Variants in TRIM23 observed in about 807,000 individuals in gnomAD.
TRIM23 encodes E3 ubiquitin-protein ligase TRIM23.
Under a neutral mutation model 71.0 loss-of-function variants are expected in TRIM23, and 27 were observed. The ratio of observed to expected loss-of-function variants is 0.38; its 90% confidence interval spans 0.28 to 0.52. TRIM23 has a LOEUF of 0.52. TRIM23 is among the 20% of genes least tolerant of loss of function. The pLI is 0.84. For missense variants in TRIM23, 482 were observed against 692.3 expected, an observed-to-expected ratio of 0.70 and a Z score of 3.41; for synonymous variants, 234 against 238.0, an observed-to-expected ratio of 0.98 and a Z score of 0.16.
intron 7 of TRIM23, among the ~76,000 whole-genome samples, chr5:65,599,129 A>C (rs997837949): frequency 6.6e-6 from 1 of 152,202 alleles, no homozygotes; most frequent in Non-Finnish European, 1.5e-5. Flanking sequence ...GTAAAATTAT[A>C]TCTCTTCACA....
chr5:65,624,136 T>C (rs1439080599), intron 1 of TRIM23, 58 bp downstream of exon 1: 11 of 1,608,390 alleles, frequency 6.8e-6, no homozygotes, highest in Non-Finnish European at 9.4e-6. Flanking sequence ...CCGCCAGGTC[T>C]CCAGGATGAA....
rs1441158989 is a variant in TRIM23, at chr5:65,589,954, A to T, written c.*1815T>A. 5.4e-6 allele frequency: 1 copy of T among 186,338 alleles called. No homozygotes were observed. Among genetic ancestry groups the T allele is most frequent in the South Asian group, 1.8e-4 (1 of 5,638 alleles). The allele number at this position is 186,338 out of a possible 1,614,324, so 11.5% of individuals were successfully genotyped here. On this transcript the variant is annotated 3_prime_UTR_variant, in exon 11 of 11. Transcript: ENST00000231524. ...AACTAATGATTAGTGAAATAATACA[A>T]CCACAAATAGTAATAGGAGCTTGAG...
At chr5:65,594,226 C>A (rs1177109149) in intron 10 of TRIM23, among the ~76,000 whole-genome samples, 1 of 152,214 alleles carries the variant, frequency 6.6e-6, no homozygotes, top group Non-Finnish European at 1.5e-5. Context: ...TTTAGAACTA[C>A]TTTCCTAATT....
At chr5:65,611,081 G>A in intron 4 of TRIM23, 38 bp from the exon 5 acceptor site, 4 of 1,515,438 alleles carry the variant, frequency 2.6e-6, no homozygotes, top group Non-Finnish European at 3.5e-6. Context: ...AGAACTCATA[G>A]TATTGACTAA....
Position 65,624,288 on chromosome 5 carries a change from G to T in TRIM23, c.-14C>A. 17 of 1,613,620 alleles carry T rather than the reference G, an allele frequency of 1.1e-5. No homozygotes were observed. The highest frequency in any genetic ancestry group is 1.3e-5 in the African/African-American group (1 of 75,048). ...CAGGGTAGCCATCCTCGCAGGGGAA[G>T]CGCCACAGAAACAGCCTTCAGAGTC... is the stretch of plus-strand genomic sequence containing the variant. On this transcript the variant is annotated 5_prime_UTR_variant, in exon 1 of 11. Coordinates refer to ENST00000231524, the MANE Select transcript of TRIM23 (RefSeq NM_001656.4).
intron 1 of TRIM23, 37 bp from the exon 2 acceptor site, chr5:65,618,292 A>G (rs1754825905): frequency 1.9e-6 from 3 of 1,565,782 alleles, no homozygotes; most frequent in East Asian, 4.6e-5. Context: ...TCTTTAAACA[A>G]TTTTAAAAGC....
intron 7 of TRIM23, among the ~76,000 whole-genome samples, chr5:65,599,014 C>T (rs1286086905): frequency 3.3e-5 from 5 of 152,214 alleles, no homozygotes; most frequent in African/African-American, 1.2e-4. Context: ...TAACATCATA[C>T]TCAAAAAACT....
chr5:65,610,903 T>C lies in TRIM23; in HGVS notation c.786A>G (p.Glu262=), dbSNP rs769270676. ...VGIVQHIEGG[E]QIVEDGIGMA... Reference sequence around the variant, plus strand: ...TTCCAATTCCATCTTCCACGATTTGTTCTCCTCCTTCAATGTGCTGCACAA... The same window carrying C: ...TTCCAATTCCATCTTCCACGATTTGCTCTCCTCCTTCAATGTGCTGCACAA... The change falls in exon 5 of 11, where the codon GAA becomes GAG. Residue 262 remains glutamate (E), a synonymous_variant. Transcript: ENST00000231524. The C allele has an allele frequency of 2.4e-5, 39 of 1,612,886 alleles. No individual in the cohort carries two copies. The highest frequency in any genetic ancestry group is 3.3e-5 in the Non-Finnish European group (39 of 1,179,716).
rs1412128073 is a variant in TRIM23, at chr5:65,590,827, CAA to C, written c.*940_*941del. ...TAATAAGCATTTGCCACTGTACTTA[CAA>C]CTTCTCTTGAAGTTCGCTTTCTATT... On this transcript the variant is annotated 3_prime_UTR_variant, in exon 11 of 11. Coordinates refer to ENST00000231524, the MANE Select transcript of TRIM23 (RefSeq NM_001656.4). 2.0e-6 allele frequency: 2 copies of C among 985,412 alleles called. No homozygotes were observed. The highest frequency in any genetic ancestry group is 2.4e-6 in the Non-Finnish European group (2 of 830,028). 61.0% of individuals were successfully genotyped at this position (985,412 alleles called of 1,614,324 possible). A position where few individuals can be genotyped will look rare whatever the true frequency, so the allele number is the denominator to read the frequency against.
At chr5:65,624,064 T>G in intron 1 of TRIM23, 130 bp downstream of exon 1, 1 of 1,024,864 alleles carries the variant, frequency 9.8e-7, no homozygotes, top group Non-Finnish European at 1.4e-6. Context: ...ACGAGACTTG[T>G]AATGCCAAAA....
intron 1 of TRIM23, among the ~76,000 whole-genome samples, chr5:65,623,672 A>C (rs968732908): frequency 1.3e-5 from 2 of 152,134 alleles, no homozygotes; most frequent in Non-Finnish European, 2.9e-5. Context: ...CCAATAACAG[A>C]TGTCTGATTA....
chr5:65,612,523 TA>T lies in TRIM23; in HGVS notation c.367-643del, dbSNP rs111699495. On this transcript the variant is annotated intron_variant, in intron 3 of 10. Coordinates refer to ENST00000231524, the MANE Select transcript of TRIM23 (RefSeq NM_001656.4). ...GCAGAAAACCACTGATTTAAGCAAA[TA>T]AAAAAAAAAATAGGCCAGGCTCAGT... Among the ~76,000 whole-genome samples, 453 of 145,178 alleles carry T rather than the reference TA, an allele frequency of 3.1e-3. 11 individuals carry two copies. In the East Asian group the frequency reaches 0.054, roughly 17 times the overall value.
intron 5 of TRIM23, 37 bp downstream of exon 5, chr5:65,610,814 GAAAAATAAAA>G (rs1561748259): frequency 2.0e-6 from 3 of 1,488,532 alleles, no homozygotes; most frequent in East Asian, 4.7e-5. Context: ...GTGAAAATAT[GAAAAATAAAA>G]AAGAATGAGA....
At chr5:65,612,547 A>C (rs1320208467) in intron 3 of TRIM23, among the ~76,000 whole-genome samples, 1 of 152,120 alleles carries the variant, frequency 6.6e-6, no homozygotes, top group Non-Finnish European at 1.5e-5. Context: ...GGCCAGGCTC[A>C]GTGGCTAACA....
chr5:65,615,654 TTCTA>T (rs1047592484), intron 2 of TRIM23, among the ~76,000 whole-genome samples: 2 of 152,256 alleles, frequency 1.3e-5, no homozygotes, highest in South Asian at 4.1e-4. Flanking sequence ...ACAAGCTGAG[TTCTA>T]TCTATTTACA....
In TRIM23 at chr5:65,596,551, AC is replaced by A; in HGVS notation, c.1310-21del. The A allele has an allele frequency of 7.2e-7, 1 of 1,393,702 alleles. No homozygotes were observed. Among genetic ancestry groups the A allele is most frequent in the Non-Finnish European group, 1.0e-6 (1 of 988,794 alleles). The allele number at this position is 1,393,702 out of a possible 1,614,324, so 86.3% of individuals were successfully genotyped here. ...TAAAACCTGTTTTAAAAAAAAAGTTACTTTTATACTATATTTGTATTTACAA... is the reference window on the plus strand; with the variant it reads ...TAAAACCTGTTTTAAAAAAAAAGTTATTTTATACTATATTTGTATTTACAA... On this transcript the variant is annotated intron_variant, in intron 8 of 10. Coordinates refer to ENST00000231524, the MANE Select transcript of TRIM23 (RefSeq NM_001656.4).
At chr5:65,599,439 G>A (rs1644524560) in intron 7 of TRIM23, among the ~76,000 whole-genome samples, 1 of 152,148 alleles carries the variant, frequency 6.6e-6, no homozygotes, top group African/African-American at 2.4e-5. Flanking sequence ...AAAGACTTAA[G>A]ATACTATGTT....
intron 3 of TRIM23, among the ~76,000 whole-genome samples, chr5:65,612,104 A>T (rs1754666411): frequency 6.6e-6 from 1 of 152,218 alleles, no homozygotes; most frequent in Non-Finnish European, 1.5e-5. Context: ...ATATGTTATG[A>T]ATTTGAAGCC....
chr5:65,608,381 T>C (rs2150633109), intron 6 of TRIM23, among the ~76,000 whole-genome samples: 1 of 152,242 alleles, frequency 6.6e-6, no homozygotes, highest in Middle Eastern at 3.4e-3. Flanking sequence ...AGCATACATA[T>C]CAACTGTTAC....
Sources: allele counts gnomAD v4.1 joint callset (sites outside exome capture counted in the v4.1 genomes callset), GRCh38; gene constraint gnomAD v4.1.1; transcripts MANE v1.5; gene names NCBI Gene and HGNC (gene_info 2026-07-23, HGNC 2026-07-21).